The following PCDHAC1 variants were observed in gnomAD, a reference collection of about 807,000 sequenced individuals.
PCDHAC1 encodes the protein protocadherin alpha subfamily C, 1.
A neutral mutation model predicts 60.0 loss-of-function variants in PCDHAC1; 42 were observed. That is an observed-to-expected ratio of 0.70 (90% confidence interval 0.55 to 0.90). The LOEUF is 0.90. PCDHAC1 is among the 40% of genes least tolerant of loss of function. PCDHAC1 has a pLI of 0.00. For missense variants in PCDHAC1, 1,160 were observed against 1,222.3 expected (o/e 0.95, Z 0.76); for synonymous variants, 468 against 499.3 (o/e 0.94, Z 0.84).
chr5:140,928,251 C>T lies in PCDHAC1; in HGVS notation c.1359C>T (p.Phe453=), dbSNP rs267600404. 3.1e-6 allele frequency: 5 copies of T among 1,614,204 alleles called. No homozygotes were observed. Among genetic ancestry groups the T allele is most frequent in the Non-Finnish European group, 3.4e-6 (4 of 1,180,038 alleles). ...PNFPQPQQEL[F]VAENNGPGAS... ...TTCCTCAACCCCAGCAGGAACTTTT[C>T]GTTGCTGAAAACAATGGCCCTGGGG... Residue 453 remains phenylalanine (F), a synonymous_variant, in exon 1 of 4, where the codon TTC becomes TTT. Coordinates refer to ENST00000253807, the MANE Select transcript of PCDHAC1 (RefSeq NM_018898.5).
At chr5:140,985,532 G>T (rs1358120172) in intron 3 of PCDHAC1, among the ~76,000 whole-genome samples, 1 of 152,072 alleles carries the variant, frequency 6.6e-6, no homozygotes, top group Non-Finnish European at 1.5e-5. Context: ...AAAGCTTCAC[G>T]GTGAAGATGC....
chr5:140,987,999 C>T (rs543796200), intron 3 of PCDHAC1, among the ~76,000 whole-genome samples: 3 of 152,292 alleles, frequency 2.0e-5, no homozygotes, highest in African/African-American at 7.2e-5. Context: ...TCTGATCCTT[C>T]CCCAGAAAGA....
intron 1 of PCDHAC1, among the ~76,000 whole-genome samples, chr5:140,944,059 T>C (rs190208662): frequency 6.6e-6 from 1 of 152,296 alleles, no homozygotes; most frequent in East Asian, 1.9e-4. Flanking sequence ...TACAAAAAGG[T>C]TTCTTGTTAA....
intron 3 of PCDHAC1, among the ~76,000 whole-genome samples, chr5:140,984,528 T>C (rs1187541000): frequency 7.2e-5 from 11 of 152,216 alleles, no homozygotes; most frequent in African/African-American, 2.4e-4. Flanking sequence ...ACAGTCTTCA[T>C]GGACTGTGCT....
intron 1 of PCDHAC1, among the ~76,000 whole-genome samples, chr5:140,935,679 T>C (rs2090497566): frequency 6.6e-6 from 1 of 152,190 alleles, no homozygotes; most frequent in South Asian, 2.1e-4. Context: ...GTGAAATATT[T>C]ACATGGCTCC....
intron 1 of PCDHAC1, chr5:140,969,250 C>T (rs1554231631): frequency 6.2e-7 from 1 of 1,614,216 alleles, no homozygotes; most frequent in Admixed American, 1.7e-5. Flanking sequence ...CAGTGACTGA[C>T]AGCAGGAATC....
intron 1 of PCDHAC1, among the ~76,000 whole-genome samples, chr5:140,960,137 T>C (rs2095528767): frequency 6.6e-6 from 1 of 152,232 alleles, no homozygotes; most frequent in African/African-American, 2.4e-5. Flanking sequence ...AATACTTAGA[T>C]ATTAATAGCT....
chr5:140,980,699 A>G (rs1183109723), intron 2 of PCDHAC1, among the ~76,000 whole-genome samples: 1 of 152,186 alleles, frequency 6.6e-6, no homozygotes, highest in African/African-American at 2.4e-5. Flanking sequence ...AAAAAAGCCA[A>G]ATGTGCTCCT....
chr5:140,938,875 C>T (rs2092238013), intron 1 of PCDHAC1, among the ~76,000 whole-genome samples: 1 of 151,912 alleles, frequency 6.6e-6, no homozygotes. Flanking sequence ...AGTTAAGAAG[C>T]AACACACACA....
At chr5:140,948,764 G>T (rs962710607) in intron 1 of PCDHAC1, among the ~76,000 whole-genome samples, 1 of 150,728 alleles carries the variant, frequency 6.6e-6, no homozygotes, top group African/African-American at 2.4e-5. Flanking sequence ...GATTTTTTTC[G>T]AATAGCCAGC....
intron 1 of PCDHAC1, chr5:140,930,423 A>C (rs1366004853): frequency 6.6e-6 from 1 of 151,862 alleles, no homozygotes; most frequent in Non-Finnish European, 1.5e-5. Flanking sequence ...GGGTCTCACT[A>C]TGTTGCCCAG....
chr5:140,967,627 C>T (rs1218869340), intron 1 of PCDHAC1: 5 of 1,614,158 alleles, frequency 3.1e-6, no homozygotes, highest in South Asian at 2.2e-5. Context: ...CGGATGAGGG[C>T]TCCAATGGTG....
chr5:140,971,050 C>G (rs2096454255), intron 1 of PCDHAC1, among the ~76,000 whole-genome samples: 1 of 152,146 alleles, frequency 6.6e-6, no homozygotes, highest in South Asian at 2.1e-4. Context: ...AAGGGTTTAG[C>G]TTTAAATAAG....
At chr5:140,967,944 A>T in intron 1 of PCDHAC1, 1 of 1,614,088 alleles carries the variant, frequency 6.2e-7, no homozygotes, top group Non-Finnish European at 8.5e-7. Flanking sequence ...AATGACCAAG[A>T]CTCAGGCCCC....
At chr5:141,003,467 A>G (rs1262411574) in intron 3 of PCDHAC1, among the ~76,000 whole-genome samples, 1 of 152,036 alleles carries the variant, frequency 6.6e-6, no homozygotes, top group Non-Finnish European at 1.5e-5. Context: ...GTGCACCACC[A>G]CAGTCTCGCT....
chr5:140,970,748 A>G (rs2096429835), intron 1 of PCDHAC1, among the ~76,000 whole-genome samples: 1 of 152,130 alleles, frequency 6.6e-6, no homozygotes, highest in African/African-American at 2.4e-5. Context: ...TTTGCAATAT[A>G]TTTTCATTGA....
intron 3 of PCDHAC1, among the ~76,000 whole-genome samples, chr5:140,996,335 T>G (rs887353118): frequency 1.3e-5 from 2 of 152,202 alleles, no homozygotes; most frequent in African/African-American, 4.8e-5. Flanking sequence ...AAGAAAAGTT[T>G]GAAAACCCAA....
chr5:140,994,637 G>A (rs1355719166), intron 3 of PCDHAC1, among the ~76,000 whole-genome samples: 1 of 152,078 alleles, frequency 6.6e-6, no homozygotes, highest in Non-Finnish European at 1.5e-5. Context: ...CCTGGAAGGT[G>A]GAGGTTGCAG....
intron 3 of PCDHAC1, among the ~76,000 whole-genome samples, chr5:140,985,216 C>G (rs1009954667): frequency 1.3e-5 from 2 of 152,186 alleles, no homozygotes; most frequent in Non-Finnish European, 2.9e-5. Flanking sequence ...GGATTACAGG[C>G]GTGAGCCACC....
Sources: gnomAD v4.1 joint callset for allele counts (sites outside exome capture counted in the v4.1 genomes callset) on GRCh38, gnomAD v4.1.1 for gene constraint, MANE v1.5 for transcripts, NCBI Gene and HGNC (gene_info 2026-07-23, HGNC 2026-07-21) for gene names.